Variants in HS6ST3 observed in about 807,000 individuals in gnomAD.
The protein encoded by HS6ST3 is heparan-sulfate 6-O-sulfotransferase 3.
HS6ST3 carries 12 observed loss-of-function variants against 36.7 expected under a neutral mutation model. That is an observed-to-expected ratio of 0.33 (90% CI 0.21 to 0.53). The LOEUF is 0.53. Ranked by LOEUF, HS6ST3 falls within the 20% of genes least tolerant of loss-of-function variation. The pLI is 0.95. For missense variants in HS6ST3, 584 were observed against 640.9 expected (o/e 0.91, Z 0.96); for synonymous variants, 240 against 257.5 (o/e 0.93, Z 0.65).
At chr13:96,442,559 A>G (rs1301626010) in intron 1 of HS6ST3, among the ~76,000 whole-genome samples, 1 of 152,174 alleles carries the variant, frequency 6.6e-6, no homozygotes, top group Admixed American at 6.5e-5. Context: ...TTCTTAGGAA[A>G]TTACTTGAAC....
intron 1 of HS6ST3, among the ~76,000 whole-genome samples, chr13:96,711,402 T>C (rs1342655782): frequency 2.0e-5 from 3 of 152,252 alleles, no homozygotes; most frequent in Non-Finnish European, 4.4e-5. Context: ...AAAGTAATAC[T>C]GTAGTAATAA....
chr13:96,255,334 A>T (rs2139380047), intron 1 of HS6ST3, among the ~76,000 whole-genome samples: 1 of 152,236 alleles, frequency 6.6e-6, no homozygotes, highest in East Asian at 1.9e-4. Flanking sequence ...TTTCAGGTTA[A>T]TAGCAAGAAG....
intron 1 of HS6ST3, among the ~76,000 whole-genome samples, chr13:96,401,152 G>T (rs1029550120): frequency 6.6e-6 from 1 of 152,144 alleles, no homozygotes. Flanking sequence ...TCTATTGGGA[G>T]TCTTAACAGA....
At chr13:96,139,658 G>A (rs2054021035) in intron 1 of HS6ST3, among the ~76,000 whole-genome samples, 1 of 150,950 alleles carries the variant, frequency 6.6e-6, no homozygotes, top group Non-Finnish European at 1.5e-5. Context: ...ATGAAGAGAT[G>A]AAGAGTAATT....
At chr13:96,744,314 A>G (rs1240702642) in intron 1 of HS6ST3, among the ~76,000 whole-genome samples, 2 of 152,126 alleles carry the variant, frequency 1.3e-5, no homozygotes, top group Non-Finnish European at 2.9e-5. Flanking sequence ...AAAACCATAA[A>G]GAAAATAATC....
At chr13:96,602,302 A>G (rs1436768865) in intron 1 of HS6ST3, among the ~76,000 whole-genome samples, 1 of 152,134 alleles carries the variant, frequency 6.6e-6, no homozygotes, top group African/African-American at 2.4e-5. Context: ...AGTTGCTGGC[A>G]TCTTATTTTT....
At chr13:96,467,947 G>A (rs2055822259) in intron 1 of HS6ST3, among the ~76,000 whole-genome samples, 1 of 152,152 alleles carries the variant, frequency 6.6e-6, no homozygotes. Flanking sequence ...AGCTAGGTAT[G>A]GACTGGGAAC....
intron 1 of HS6ST3, among the ~76,000 whole-genome samples, chr13:96,105,735 TA>T (rs1173847329): frequency 1.3e-5 from 2 of 152,334 alleles, no homozygotes; most frequent in Non-Finnish European, 2.9e-5. Flanking sequence ...ATTTTGAAAT[TA>T]TTTTCTTTCT....
intron 1 of HS6ST3, among the ~76,000 whole-genome samples, chr13:96,716,202 C>T (rs1408189070): frequency 2.6e-5 from 4 of 151,824 alleles, no homozygotes; most frequent in African/African-American, 9.7e-5. Context: ...TTTCAGATGT[C>T]CCATAATATC....
At chr13:96,569,972 C>A (rs1261467323) in intron 1 of HS6ST3, among the ~76,000 whole-genome samples, 1 of 152,176 alleles carries the variant, frequency 6.6e-6, no homozygotes, top group Non-Finnish European at 1.5e-5. Flanking sequence ...GCCTGCTCAC[C>A]TAAAACTTCA....
chr13:96,822,754 G>A (rs981259777), intron 1 of HS6ST3, among the ~76,000 whole-genome samples: 1 of 152,168 alleles, frequency 6.6e-6, no homozygotes, highest in Non-Finnish European at 1.5e-5. Flanking sequence ...CTGACACCCA[G>A]CCATTGCATA....
At chr13:96,441,306 G>C (rs911593045) in intron 1 of HS6ST3, among the ~76,000 whole-genome samples, 1 of 150,766 alleles carries the variant, frequency 6.6e-6, no homozygotes, top group African/African-American at 2.4e-5. Flanking sequence ...TTTTTGATGA[G>C]TAGGGGACTG....
intron 1 of HS6ST3, among the ~76,000 whole-genome samples, chr13:96,553,000 G>C (rs1467885189): frequency 2.6e-5 from 4 of 152,134 alleles, no homozygotes; most frequent in African/African-American, 7.2e-5. Context: ...TGCAGGGAGA[G>C]GAGTGAGGTA....
intron 1 of HS6ST3, among the ~76,000 whole-genome samples, chr13:96,319,310 G>A (rs78820320): frequency 0.045 from 6,902 of 152,224 alleles, 239 homozygotes; most frequent in Non-Finnish European, 0.073. Context: ...GTTCATCCAT[G>A]CTCTAGCTTA....
chr13:96,342,527 A>C (rs1277424141), intron 1 of HS6ST3, among the ~76,000 whole-genome samples: 1 of 152,184 alleles, frequency 6.6e-6, no homozygotes, highest in Non-Finnish European at 1.5e-5. Context: ...GTCAATTATC[A>C]TGTTTACTTG....
At chr13:96,347,352 C>T (rs2055160934) in intron 1 of HS6ST3, among the ~76,000 whole-genome samples, 1 of 152,190 alleles carries the variant, frequency 6.6e-6, no homozygotes. Flanking sequence ...TTCATCCCAA[C>T]CACTTTTATG....
intron 1 of HS6ST3, among the ~76,000 whole-genome samples, chr13:96,491,944 C>A (rs2055948031): frequency 6.6e-6 from 1 of 152,136 alleles, no homozygotes; most frequent in Admixed American, 6.5e-5. Context: ...AATTTTGTTA[C>A]TAGAGCTTCA....
At chr13:96,654,579 G>T (rs763585579) in intron 1 of HS6ST3, among the ~76,000 whole-genome samples, 13 of 152,054 alleles carry the variant, frequency 8.5e-5, no homozygotes, top group Non-Finnish European at 1.5e-4. Context: ...TATCTGTTTT[G>T]TTACCAGTAC....
chr13:96,375,499 C>A (rs1026901259), intron 1 of HS6ST3, among the ~76,000 whole-genome samples: 6 of 152,152 alleles, frequency 3.9e-5, no homozygotes, highest in African/African-American at 1.2e-4. Context: ...TTTTCCTGAG[C>A]CAATTGAATT....
Sources: gnomAD v4.1 joint callset for allele counts (sites outside exome capture counted in the v4.1 genomes callset) on GRCh38, gnomAD v4.1.1 for gene constraint, MANE v1.5 for transcripts, NCBI Gene and HGNC (gene_info 2026-07-23, HGNC 2026-07-21) for gene names.